PTK2: variants seen among roughly 807,000 people sequenced by gnomAD.
PTK2 encodes the protein focal adhesion kinase 1.
Under a neutral mutation model 150.1 loss-of-function variants are expected in PTK2, and 45 were observed. The ratio of observed to expected loss-of-function variants is 0.30; its 90% CI spans 0.24 to 0.38. The LOEUF is 0.38. Among genes scored for constraint, PTK2 ranks in the 10% least tolerant of loss-of-function variants. The pLI, the probability that PTK2 is intolerant of heterozygous loss-of-function variation, is 1.00. For missense variants in PTK2, 919 were observed against 1,307.3 expected, an observed-to-expected ratio of 0.70 and a Z score of 4.58; for synonymous variants, 432 against 449.2, an observed-to-expected ratio of 0.96 and a Z score of 0.48.
rs574017945 is a variant in PTK2, at chr8:140,700,624, C to G, written c.2499+267G>C. ...TCAGCCTCCCAAGTAGCTGGGATTA[C>G]AGGCATGCACCCGGCTACTTTTTGT... On this transcript the variant is annotated intron_variant, in intron 26 of 31. Transcript: ENST00000522684. The G allele has an allele frequency of 1.2e-5, 3 of 251,476 alleles. 1 individual carries two copies. The South Asian group carries it at 1.5e-4, about 13-fold the overall frequency. The allele number at this position is 251,476 out of a possible 1,614,324, so 15.6% of individuals were successfully genotyped here. A position where few individuals can be genotyped will look rare whatever the true frequency, so the allele number is the denominator to read the frequency against.
rs561173924 is a variant in PTK2 at position 140,782,266 on chromosome 8, C to A, written c.1177+7208G>T. Among the ~76,000 whole-genome samples the A allele has an allele frequency of 5.0e-3, 661 of 132,206 alleles. 15 individuals are homozygous for A. The highest frequency in any genetic ancestry group is 0.018 in the African/African-American group (599 of 32,512). The allele number at this position is 132,206 out of a possible 152,430, so 86.7% of individuals were successfully genotyped here. ...TTGTTTTTTTTTTTGGGGGGGGGGACAGGGTCCTCTCTTTGTCACCCAGAA... is the reference window on the plus strand; with the variant it reads ...TTGTTTTTTTTTTTGGGGGGGGGGAAAGGGTCCTCTCTTTGTCACCCAGAA... On this transcript the variant is annotated intron_variant, in intron 14 of 31. Coordinates refer to ENST00000522684, the Ensembl canonical transcript of PTK2.
intron 7 of PTK2, among the ~76,000 whole-genome samples, chr8:140,837,823 C>T (rs2100119708): frequency 6.6e-6 from 1 of 151,992 alleles, no homozygotes; most frequent in African/African-American, 2.4e-5. Flanking sequence ...CTTTAGAAGG[C>T]CGATGCGGGC....
intron 1 of PTK2, among the ~76,000 whole-genome samples, chr8:140,981,645 G>A (rs963198055): frequency 1.4e-4 from 22 of 152,150 alleles, no homozygotes; most frequent in African/African-American, 2.9e-4. Flanking sequence ...AATGTTTCAC[G>A]GCATGTGAAA....
intron 27 of PTK2, among the ~76,000 whole-genome samples, chr8:140,678,172 G>C (rs1295122143): frequency 1.3e-5 from 2 of 152,150 alleles, no homozygotes; most frequent in South Asian, 2.1e-4. Context: ...TCAGCCTCCT[G>C]AGTAGCTGGG....
At position 140,764,073 on chromosome 8, in the gene PTK2, T is replaced by C. The variant is rs558659587; in HGVS notation, c.1234+161A>G. 3.6e-4 allele frequency: 255 copies of C among 705,182 alleles called. 1 individual carries two copies. The East Asian group carries it at 4.6e-3, about 13-fold the overall frequency. The allele number at this position is 705,182 out of a possible 1,614,324, so 43.7% of individuals were successfully genotyped here. A position where few individuals can be genotyped will look rare whatever the true frequency, so the allele number is the denominator to read the frequency against. The stretch of plus-strand genomic sequence containing the variant: ...GGCTTCTGACCTTAGAGTGGGCATA[T>C]GTAAGTAATATAGAATGGTAAAGGT... On this transcript the variant is annotated intron_variant, in intron 15 of 31. Coordinates refer to ENST00000522684, the Ensembl canonical transcript of PTK2.
intron 2 of PTK2, among the ~76,000 whole-genome samples, chr8:140,921,537 T>C (rs1476562741): frequency 6.6e-6 from 1 of 152,160 alleles, no homozygotes; most frequent in Non-Finnish European, 1.5e-5. Flanking sequence ...TGGAAAAAAA[T>C]TCCTGATCTA....
intron 29 of PTK2, 183 bp from the exon 33 acceptor site, chr8:140,669,918 T>G (rs2094618922): frequency 6.1e-6 from 4 of 657,228 alleles, no homozygotes; most frequent in Non-Finnish European, 1.0e-5. Flanking sequence ...GTGTGGCTAC[T>G]GTGCCACCTG....
chr8:140,928,624 G>C (rs1303186604), intron 1 of PTK2, among the ~76,000 whole-genome samples: 1 of 152,190 alleles, frequency 6.6e-6, no homozygotes, highest in Non-Finnish European at 1.5e-5. Context: ...CCTTGAAAAG[G>C]AAAGAAATTC....
intron 26 of PTK2, among the ~76,000 whole-genome samples, chr8:140,689,579 A>T (rs1472265492): frequency 6.6e-6 from 1 of 152,234 alleles, no homozygotes; most frequent in African/African-American, 2.4e-5. Flanking sequence ...TGGTTAACTC[A>T]GCTATGGTTA....
intron 10 of PTK2, among the ~76,000 whole-genome samples, chr8:140,812,939 C>CT (rs2100102470): frequency 6.6e-6 from 1 of 152,164 alleles, no homozygotes; most frequent in East Asian, 1.9e-4. Context: ...TAGTGGGAGA[C>CT]TTTAACACCC....
chr8:140,820,076 G>GTTTTTTTTTT lies in PTK2; in HGVS notation c.649-1066_649-1057dup, dbSNP rs370537018. 6.8e-4 allele frequency among the ~76,000 whole-genome samples: 34 copies of GTTTTTTTTTT among 50,250 alleles called. 6 individuals carry two copies. The highest frequency in any genetic ancestry group is 1.2e-3 in the Admixed American group (4 of 3,280). 33.0% of individuals were successfully genotyped at this position (50,250 alleles called of 152,430 possible). ...AGAGGAGTGACTTTATCTGACTTTG[G>GTTTTTTTTTT]TTTTTTTTTTTTTTTTTTTTTTTTT... On this transcript the variant is annotated intron_variant, in intron 8 of 31. Coordinates refer to ENST00000522684, the Ensembl canonical transcript of PTK2.
Position 140,841,293 on chromosome 8 carries a change from T to C in PTK2, c.593+4967A>G, listed in dbSNP as rs1412712550. 7.2e-5 allele frequency among the ~76,000 whole-genome samples: 11 copies of C among 152,142 alleles called. 1 individual carries two copies. The highest frequency in any genetic ancestry group is 2.4e-4 in the African/African-American group (10 of 41,450). On this transcript the variant is annotated intron_variant, in intron 7 of 31. Coordinates refer to ENST00000522684, the Ensembl canonical transcript of PTK2. ...CAAGTCTCTCAACTTATTTGTATTT[T>C]TGAAACTTTTTCATGATAAAACACT...
rs1332794889 is a variant in PTK2 at position 140,665,027 on chromosome 8, G to A, written c.2866-30C>T. 7.6e-6 allele frequency: 12 copies of A among 1,572,916 alleles called. No homozygotes were observed. In the East Asian group the frequency reaches 2.5e-4, roughly 32 times the overall value. On this transcript the variant is annotated intron_variant, in intron 30 of 31. Coordinates refer to ENST00000522684, the Ensembl canonical transcript of PTK2. ...CAGACAAGAATCACAACCAATATTAGAACACACACAAAGGATTTTTATGCT... is the reference window on the plus strand; with the variant it reads ...CAGACAAGAATCACAACCAATATTAAAACACACACAAAGGATTTTTATGCT...
At chr8:140,967,461 C>CTTTCTT (rs1336232592) in intron 1 of PTK2, among the ~76,000 whole-genome samples, 128 of 121,528 alleles carry the variant, frequency 1.1e-3, no homozygotes, top group Middle Eastern at 4.1e-3. Context: ...TTCTTTCTTT[C>CTTTCTT]TTTTTTTTTT....
intron 2 of PTK2, among the ~76,000 whole-genome samples, chr8:140,912,113 C>T (rs1337769832): frequency 6.6e-6 from 1 of 151,974 alleles, no homozygotes; most frequent in Non-Finnish European, 1.5e-5. Flanking sequence ...TATGGTGGCA[C>T]GCACCTGTAG....
At chr8:140,722,861 A>G (rs1376284453) in intron 22 of PTK2, among the ~76,000 whole-genome samples, 3 of 152,246 alleles carry the variant, frequency 2.0e-5, no homozygotes, top group Non-Finnish European at 4.4e-5. Context: ...AATAATTAAA[A>G]TAAAGGCAAG....
At chr8:140,757,805 C>T (rs2100066746) in intron 16 of PTK2, among the ~76,000 whole-genome samples, 1 of 152,112 alleles carries the variant, frequency 6.6e-6, no homozygotes, top group African/African-American at 2.4e-5. Flanking sequence ...CAATGATGGA[C>T]CACATATACT....
chr8:140,808,476 A>T (rs938339824), intron 10 of PTK2, among the ~76,000 whole-genome samples: 3 of 152,206 alleles, frequency 2.0e-5, no homozygotes, highest in African/African-American at 7.2e-5. Flanking sequence ...TTATAAACTC[A>T]AAAGGAAAAC....
chr8:140,960,499 C>T (rs915713115), intron 1 of PTK2, among the ~76,000 whole-genome samples: 2 of 151,914 alleles, frequency 1.3e-5, no homozygotes, highest in Non-Finnish European at 2.9e-5. Context: ...TGAGCCACCG[C>T]GGCTGGCCCA....
Sources: allele counts gnomAD v4.1 joint callset (sites outside exome capture counted in the v4.1 genomes callset), GRCh38; gene constraint gnomAD v4.1.1; transcripts MANE v1.5; gene names NCBI Gene and HGNC (gene_info 2026-07-23, HGNC 2026-07-21).